Variants in CCDC201 observed in about 807,000 individuals in gnomAD.
CCDC201 encodes coiled-coil domain-containing protein 201.
chr7:45,868,137 C>G (rs999672906), intron 1 of CCDC201, among the ~76,000 whole-genome samples: 17 of 152,206 alleles, frequency 1.1e-4, no homozygotes, highest in Admixed American at 4.6e-4. Context: ...GAGGTATTGG[C>G]TTCATTCATC....
upstream of CCDC201, among the ~76,000 whole-genome samples, chr7:45,873,299 A>G (rs1215675831): frequency 1.2e-5 from 1 of 81,154 alleles, no homozygotes; most frequent in African/African-American, 5.0e-5. Flanking sequence ...GCAACAAGCC[A>G]CCTGTGCCAA....
At chr7:45,877,487 C>T (rs1050337990), upstream of CCDC201, among the ~76,000 whole-genome samples, 2 of 152,212 alleles carry the variant, frequency 1.3e-5, no homozygotes, top group Non-Finnish European at 2.9e-5. Context: ...CATCAGCTCA[C>T]GTTTCTGAAA....
At chr7:45,881,027 A>G in the CCDC201 span, among the ~76,000 whole-genome samples, 3 of 152,316 alleles carry the variant, frequency 2.0e-5, no homozygotes, top group Non-Finnish European at 2.9e-5. Context: ...AGTGATGGAC[A>G]CTTCCCACCA....
the CCDC201 span, among the ~76,000 whole-genome samples, chr7:45,884,026 T>C: frequency 6.8e-6 from 1 of 147,406 alleles, no homozygotes; most frequent in Non-Finnish European, 1.5e-5. Context: ...TCTCTCTCTT[T>C]CTTCCTTCCT....
upstream of CCDC201, among the ~76,000 whole-genome samples, chr7:45,877,450 C>T (rs1786825457): frequency 6.6e-6 from 1 of 152,148 alleles, no homozygotes; most frequent in Admixed American, 6.5e-5. Context: ...ATACCTGAAA[C>T]TGGGTAATTT....
At chr7:45,883,270 G>GAC in the CCDC201 span, among the ~76,000 whole-genome samples, 24 of 152,116 alleles carry the variant, frequency 1.6e-4, no homozygotes, top group African/African-American at 5.5e-4. Context: ...AACCAGGTGA[G>GAC]ACACACACAC....
chr7:45,881,236 G>A, the CCDC201 span, among the ~76,000 whole-genome samples: 5 of 152,080 alleles, frequency 3.3e-5, no homozygotes, highest in African/African-American at 7.2e-5. Context: ...TGGTGTCCTG[G>A]TGGCTCGTCC....
chr7:45,873,390 A>AC (rs1786763642), upstream of CCDC201, among the ~76,000 whole-genome samples: 1 of 151,384 alleles, frequency 6.6e-6, no homozygotes, highest in Non-Finnish European at 1.5e-5. Context: ...ACTGGAAAAA[A>AC]AAAAAAACAC....
chr7:45,878,468 G>T, the CCDC201 span, among the ~76,000 whole-genome samples: 1 of 152,214 alleles, frequency 6.6e-6, no homozygotes, highest in Admixed American at 6.5e-5. Context: ...CTAGGCAGAG[G>T]CTCCTAAGCC....
intron 1 of CCDC201, among the ~76,000 whole-genome samples, chr7:45,868,357 T>A (rs1786702222): frequency 6.6e-6 from 1 of 152,188 alleles, no homozygotes; most frequent in Non-Finnish European, 1.5e-5. Context: ...TGTCTTTGTA[T>A]AATCTAACTT....
At position 45,872,469 on chromosome 7, in the gene CCDC201, T is replaced by C. The variant is rs531451767; in HGVS notation, c.18+521A>G. ...GCCCTGGGGCTGCTGGTCCCCTTGG[T>C]GGCCTGGCTTTCCCTAAGGGCTGTG... On this transcript the variant is annotated intron_variant, in intron 1 of 2. Coordinates refer to ENST00000636578, the Ensembl canonical transcript of CCDC201. Among the ~76,000 whole-genome samples, 8 of 152,280 alleles carry C rather than the reference T, an allele frequency of 5.3e-5. No individual in the cohort carries two copies. The East Asian group carries it at 1.5e-3, about 29-fold the overall frequency.
chr7:45,861,615 C>T (rs1786602335), exon 3 of CCDC201: 1 of 152,158 alleles, frequency 6.6e-6, no homozygotes, highest in Non-Finnish European at 1.5e-5. Flanking sequence ...TATTTTCCAC[C>T]CACCCTGCAG....
chr7:45,865,639 G>A (rs567025106), intron 2 of CCDC201, among the ~76,000 whole-genome samples: 1 of 150,076 alleles, frequency 6.7e-6, no homozygotes. Flanking sequence ...AAGCCCCAAA[G>A]CTGAAAGAGT....
exon 3 of CCDC201, chr7:45,861,243 A>C (rs1583650661): frequency 6.6e-6 from 1 of 152,186 alleles, no homozygotes; most frequent in South Asian, 2.1e-4. Context: ...TGATGTATTT[A>C]TCTCTATGGT....
chr7:45,883,838 C>T, the CCDC201 span, among the ~76,000 whole-genome samples: 41 of 152,100 alleles, frequency 2.7e-4, no homozygotes, highest in Non-Finnish European at 1.0e-4. Context: ...GAGGGTGGGG[C>T]TCTGCCTCCT....
upstream of CCDC201, among the ~76,000 whole-genome samples, chr7:45,876,295 C>G (rs1786807529): frequency 6.6e-5 from 10 of 152,176 alleles, no homozygotes; most frequent in Admixed American, 6.5e-4. Flanking sequence ...TGGTGAGGAA[C>G]CCTGACCTCC....
the CCDC201 span, among the ~76,000 whole-genome samples, chr7:45,880,622 A>G: frequency 1.2e-4 from 18 of 152,254 alleles, no homozygotes; most frequent in African/African-American, 4.3e-4. Context: ...TGATGGGCAC[A>G]CTGTGACTTG....
chr7:45,876,092 C>T (rs1466604931), upstream of CCDC201, among the ~76,000 whole-genome samples: 2 of 152,098 alleles, frequency 1.3e-5, no homozygotes, highest in African/African-American at 4.8e-5. Context: ...GTCAAGAGGA[C>T]AGCAGAGTGT....
At chr7:45,873,920 C>CTTT (rs201948561), upstream of CCDC201, among the ~76,000 whole-genome samples, 4 of 121,408 alleles carry the variant, frequency 3.3e-5, no homozygotes, top group African/African-American at 6.7e-5. Flanking sequence ...CATTTACTTA[C>CTTT]TTTTTTTTTT....
Sources: gnomAD v4.1 joint callset for allele counts (sites outside exome capture counted in the v4.1 genomes callset) on GRCh38, gnomAD v4.1.1 for gene constraint, MANE v1.5 for transcripts, NCBI Gene and HGNC (gene_info 2026-07-23, HGNC 2026-07-21) for gene names.